The following C8A variants were observed in gnomAD, a reference collection of about 807,000 sequenced individuals.
The protein encoded by C8A is complement component C8 alpha chain.
C8A carries 67 observed loss-of-function variants against 65.3 expected under a neutral mutation model. That is an observed-to-expected ratio of 1.03 (90% CI 0.84 to 1.26). C8A has a LOEUF of 1.26. Among genes scored for constraint, C8A ranks in the 50% most tolerant of loss-of-function variants. The pLI, the probability that C8A is intolerant of heterozygous loss-of-function variation, is 0.00. For missense variants in C8A, 781 were observed against 723.9 expected (o/e 1.08, Z -0.90); for synonymous variants, 290 against 259.4 (o/e 1.12, Z -1.13).
At chr1:56,906,291 G>C (rs1644463345) in intron 7 of C8A, among the ~76,000 whole-genome samples, 1 of 152,058 alleles carries the variant, frequency 6.6e-6, no homozygotes, top group Non-Finnish European at 1.5e-5. Flanking sequence ...TTTAGAGTAG[G>C]GACAAATATG....
At chr1:56,908,436 G>T (rs1644483612) in intron 9 of C8A, among the ~76,000 whole-genome samples, 1 of 152,186 alleles carries the variant, frequency 6.6e-6, no homozygotes, top group African/African-American at 2.4e-5. Context: ...AATCACATGG[G>T]CTAAATTAGG....
intron 9 of C8A, among the ~76,000 whole-genome samples, chr1:56,911,424 G>A (rs1019235820): frequency 6.6e-5 from 10 of 152,284 alleles, no homozygotes; most frequent in African/African-American, 2.2e-4. Context: ...TCACACAGTC[G>A]GAAGCAGGGT....
intron 2 of C8A, among the ~76,000 whole-genome samples, chr1:56,868,963 CT>C (rs1487830126): frequency 6.6e-6 from 1 of 152,200 alleles, no homozygotes; most frequent in African/African-American, 2.4e-5. Flanking sequence ...CAAAACCCTT[CT>C]CATGCATCTG....
In C8A at chr1:56,917,772, T is replaced by C. The variant is rs893789993; in HGVS notation, c.*56T>C. On this transcript the variant is annotated 3_prime_UTR_variant, in exon 11 of 11. Coordinates refer to ENST00000361249, the MANE Select transcript of C8A (RefSeq NM_000562.3). Reference sequence around the variant, plus strand: ...TGTGGATGTCGACCCCTGCACTGACTATTGGATAAAGACTTCTTTCAACTA... The same window carrying C: ...TGTGGATGTCGACCCCTGCACTGACCATTGGATAAAGACTTCTTTCAACTA... The C allele has an allele frequency of 1.3e-6, 2 of 1,599,436 alleles. No homozygotes were observed. Among genetic ancestry groups the C allele is most frequent in the African/African-American group, 2.7e-5 (2 of 74,606 alleles).
intron 7 of C8A, among the ~76,000 whole-genome samples, chr1:56,899,358 T>C (rs1644409548): frequency 6.6e-6 from 1 of 152,220 alleles, no homozygotes; most frequent in Non-Finnish European, 1.5e-5. Flanking sequence ...ACGTGGTCTT[T>C]GGACACAGGC....
intron 4 of C8A, 92 bp downstream of exon 4, chr1:56,876,301 G>C (rs762227498): frequency 2.0e-6 from 3 of 1,508,708 alleles, no homozygotes; most frequent in Non-Finnish European, 2.8e-6. Flanking sequence ...GGCCATTTTG[G>C]AGGGTTCCTC....
At position 56,883,694 on chromosome 1, in the gene C8A, A is replaced by G. The variant is rs369548363; in HGVS notation, c.855+13A>G. ...GTATAATGAGAAGGTATTCAAACAT[A>G]ATGTCTGTGTCTCACAGTATTCCAT... On this transcript the variant is annotated intron_variant, in intron 6 of 10. Coordinates refer to ENST00000361249, the MANE Select transcript of C8A (RefSeq NM_000562.3). 45 of 1,603,992 alleles carry G rather than the reference A, an allele frequency of 2.8e-5. No individual in the cohort carries two copies. Among genetic ancestry groups the G allele is most frequent in the Non-Finnish European group, 3.8e-5 (45 of 1,171,484 alleles).
At chr1:56,897,437 G>A (rs1448404612) in intron 7 of C8A, among the ~76,000 whole-genome samples, 1 of 152,208 alleles carries the variant, frequency 6.6e-6, no homozygotes, top group Non-Finnish European at 1.5e-5. Context: ...TACCTAGACT[G>A]CTGAGTTGAA....
At chr1:56,869,958 A>G (rs566823329) in intron 2 of C8A, among the ~76,000 whole-genome samples, 6 of 152,294 alleles carry the variant, frequency 3.9e-5, no homozygotes, top group African/African-American at 1.4e-4. Context: ...TAAGTGGCAG[A>G]AACACACACA....
At chr1:56,917,396 C>T (rs762041789) in intron 10 of C8A, among the ~76,000 whole-genome samples, 169 bp from the exon 11 acceptor site, 7 of 152,206 alleles carry the variant, frequency 4.6e-5, no homozygotes, top group Non-Finnish European at 7.3e-5. Flanking sequence ...GAGCAAAGAC[C>T]CTATGTACCT....
At chr1:56,878,572 T>G (rs867105482) in intron 4 of C8A, among the ~76,000 whole-genome samples, 14 of 152,356 alleles carry the variant, frequency 9.2e-5, no homozygotes, top group South Asian at 4.1e-4. Context: ...TGATGTTTGA[T>G]GGTTCTTCTA....
At position 56,908,120 on chromosome 1, in the gene C8A, C is replaced by G; in HGVS notation, c.1380+7C>G. The G allele has an allele frequency of 6.2e-7, 1 of 1,613,904 alleles. No individual in the cohort carries two copies. Among genetic ancestry groups the G allele is most frequent in the Non-Finnish European group, 8.5e-7 (1 of 1,179,834 alleles). On this transcript the variant is annotated splice_region_variant and intron_variant, in intron 9 of 10. Transcript: ENST00000361249. ...TGTTGTTATCGATTTTGAGGTAAGT[C>G]TTTTCGCAGTTGAAGAAACTCTACG...
chr1:56,908,230 G>A (rs1644482437), intron 9 of C8A, 117 bp downstream of exon 9: 4 of 1,213,200 alleles, frequency 3.3e-6, no homozygotes, highest in Non-Finnish European at 4.8e-6. Flanking sequence ...AAATGTAATG[G>A]CACACTGAAC....
At chr1:56,866,587 C>A (rs1644090421) in intron 1 of C8A, among the ~76,000 whole-genome samples, 2 of 152,212 alleles carry the variant, frequency 1.3e-5, no homozygotes, top group Non-Finnish European at 2.9e-5. Flanking sequence ...ACTTTCTGTT[C>A]CTACACTAGG....
At chr1:56,906,568 C>T in intron 7 of C8A, 99 bp from the exon 8 acceptor site, 1 of 1,462,314 alleles carries the variant, frequency 6.8e-7, no homozygotes, top group South Asian at 1.1e-5. Flanking sequence ...TTTTGGACTC[C>T]AAAGCTGAAG....
chr1:56,864,734 T>C (rs1293806047), intron 1 of C8A, among the ~76,000 whole-genome samples: 1 of 152,184 alleles, frequency 6.6e-6, no homozygotes, highest in African/African-American at 2.4e-5. Flanking sequence ...AATGAAGTTT[T>C]CTTTGAAGGG....
intron 2 of C8A, 37 bp from the exon 3 acceptor site, chr1:56,874,912 G>A (rs1201997204): frequency 2.5e-6 from 4 of 1,611,860 alleles, no homozygotes; most frequent in Admixed American, 3.3e-5. Context: ...TGATTGATTG[G>A]TTGACAAGAA....
At chr1:56,859,571 A>C (rs1011081737) in intron 1 of C8A, among the ~76,000 whole-genome samples, 1 of 152,154 alleles carries the variant, frequency 6.6e-6, no homozygotes, top group Non-Finnish European at 1.5e-5. Context: ...CATGCTTGGA[A>C]CTTAAAGTTC....
Position 56,885,945 on chromosome 1 carries a change from A to G in C8A, c.874A>G (p.Ile292Val). ...YNEKKFIFTR[I>V]FTKVQTAHFK... The stretch of plus-strand genomic sequence containing the variant: ...CTGGCAGAAATTCATTTTCACAAGA[A>G]TCTTCACAAAGGTGCAGACTGCACA... Residue 292 changes from isoleucine to valine, a missense_variant, in exon 7 of 11, where the codon ATC becomes GTC. By Grantham distance (29) the Ile-to-Val change is conservative (BLOSUM62 3). Coordinates refer to ENST00000361249, the MANE Select transcript of C8A (RefSeq NM_000562.3). The G allele has an allele frequency of 6.2e-7, 1 of 1,613,966 alleles. No homozygotes were observed. The highest frequency in any genetic ancestry group is 8.5e-7 in the Non-Finnish European group (1 of 1,179,906).
Sources: gnomAD v4.1 joint callset for allele counts (sites outside exome capture counted in the v4.1 genomes callset) on GRCh38, gnomAD v4.1.1 for gene constraint, MANE v1.5 for transcripts, NCBI Gene and HGNC (gene_info 2026-07-23, HGNC 2026-07-21) for gene names.